ADAMTS13: variants seen among roughly 807,000 people sequenced by gnomAD.
ADAMTS13 encodes the protein A disintegrin and metalloproteinase with thrombospondin motifs 13.
ADAMTS13 carries 110 observed loss-of-function variants against 155.1 expected under a neutral mutation model. The ratio of observed to expected loss-of-function variants is 0.71; its 90% CI spans 0.61 to 0.83. The LOEUF (loss-of-function observed/expected upper bound fraction) is 0.83. Among genes scored for constraint, ADAMTS13 ranks in the 40% least tolerant of loss-of-function variants. The pLI, the probability that ADAMTS13 is intolerant of heterozygous loss-of-function variation, is 0.00. For synonymous variants in ADAMTS13, 758 were observed against 756.4 expected (o/e 1.00, Z -0.03); for missense variants, 1,707 against 1,891.7 (o/e 0.90, Z 1.81).
chr9:133,423,199 G>A, intron 2 of ADAMTS13, 32 bp downstream of exon 2: 1 of 1,601,528 alleles, frequency 6.2e-7, no homozygotes, highest in Non-Finnish European at 8.6e-7. Flanking sequence ...CTCCCGGGGG[G>A]AGTTTCTCAG....
At chr9:133,443,291 G>A in intron 18 of ADAMTS13, 85 bp from the exon 19 acceptor site, 2 of 1,493,644 alleles carry the variant, frequency 1.3e-6, no homozygotes, top group South Asian at 1.2e-5. Context: ...CCCAGACCGG[G>A]GGAGTACATC....
intron 27 of ADAMTS13, among the ~76,000 whole-genome samples, chr9:133,457,235 C>T (rs998367615): frequency 2.6e-5 from 4 of 152,224 alleles, no homozygotes; most frequent in African/African-American, 9.6e-5. Flanking sequence ...GGGGCTTGCC[C>T]TCTCCCAACA....
intron 24 of ADAMTS13, among the ~76,000 whole-genome samples, chr9:133,454,904 C>G (rs1842648419): frequency 6.6e-6 from 1 of 152,144 alleles, no homozygotes; most frequent in Admixed American, 6.5e-5. Context: ...TGCCACGCAC[C>G]TGGCAAGGCA....
In ADAMTS13 at chr9:133,456,783, G is replaced by A. The variant is rs746925311; in HGVS notation, c.3724+64G>A. 3.0e-4 allele frequency: 467 copies of A among 1,538,710 alleles called. No homozygotes were observed. Among genetic ancestry groups the A allele is most frequent in the Admixed American group, 4.7e-4 (24 of 50,960 alleles). On this transcript the variant is annotated intron_variant, in intron 27 of 28. Coordinates refer to ENST00000355699, the MANE Select transcript of ADAMTS13 (RefSeq NM_139027.6). The surrounding 1 kb of genome is among the most constrained non-coding windows in gnomAD (Gnocchi z 4.4). ...GTCCTGGCAGGGAGGCTGGGTGGGT[G>A]CTGCTGGGGATGGGGCCAGTCCCAG...
At chr9:133,437,027 G>A (rs1841290679) in intron 12 of ADAMTS13, 72 bp downstream of exon 12, 18 of 1,530,248 alleles carry the variant, frequency 1.2e-5, no homozygotes, top group Non-Finnish European at 1.4e-5. Context: ...AGAGTCATAG[G>A]GGGGTTGGCC....
intron 7 of ADAMTS13, among the ~76,000 whole-genome samples, chr9:133,429,171 A>AC (rs1208389217): frequency 0.21 from 2,196 of 10,254 alleles, 74 homozygotes; most frequent in Middle Eastern, 0.43. Context: ...CCCTGCACCC[A>AC]CCCCCCCGTC....
At chr9:133,433,294 A>G (rs1039019155) in intron 9 of ADAMTS13, 84 bp from the exon 10 acceptor site, 456 of 1,575,154 alleles carry the variant, frequency 2.9e-4, no homozygotes, top group Non-Finnish European at 3.6e-4. Context: ...ATCCCTGAGG[A>G]TGTTGGGGGA....
intron 27 of ADAMTS13, among the ~76,000 whole-genome samples, chr9:133,457,261 A>G (rs781910775): frequency 8.5e-5 from 13 of 152,176 alleles, no homozygotes; most frequent in Admixed American, 2.0e-4. Context: ...AGCTGGCCGA[A>G]GTTGGCTTCC....
chr9:133,456,796 G>C lies in ADAMTS13; in HGVS notation c.3724+77G>C, dbSNP rs985757513. 6.7e-5 allele frequency: 102 copies of C among 1,515,814 alleles called. No individual in the cohort carries two copies. Among genetic ancestry groups the C allele is most frequent in the Non-Finnish European group, 8.4e-5 (94 of 1,118,704 alleles). The allele number at this position is 1,515,814 out of a possible 1,614,324, so 93.9% of individuals were successfully genotyped here. On this transcript the variant is annotated intron_variant, in intron 27 of 28. Coordinates refer to ENST00000355699, the MANE Select transcript of ADAMTS13 (RefSeq NM_139027.6). The surrounding 1 kb of genome is among the most constrained non-coding windows in gnomAD (Gnocchi z 4.4). ...GGCTGGGTGGGTGCTGCTGGGGATG[G>C]GGCCAGTCCCAGTGGGGCAGTGGGA...
rs782107547 is a variant in ADAMTS13, at chr9:133,414,558, G to A, written n.201G>A. The stretch of plus-strand genomic sequence containing the variant: ...AAACAAAGGAACAGACGACATCAGG[G>A]TAAAGTGATGGAGAGACTGCGGTGA... On this transcript the variant is annotated non_coding_transcript_exon_variant, in exon 1 of 18. Transcript: ENST00000485925. The A allele has an allele frequency of 5.2e-6, 5 of 963,874 alleles. No individual in the cohort carries two copies. The Admixed American group carries it at 8.6e-5, about 17-fold the overall frequency. The allele number at this position is 963,874 out of a possible 1,614,324, so 59.7% of individuals were successfully genotyped here. A position where few individuals can be genotyped will look rare whatever the true frequency, so the allele number is the denominator to read the frequency against.
chr9:133,422,842 C>T (rs587634314), intron 1 of ADAMTS13, among the ~76,000 whole-genome samples: 3 of 151,790 alleles, frequency 2.0e-5, no homozygotes, highest in Admixed American at 1.3e-4. Flanking sequence ...CTCTGATTTC[C>T]CCCTCTCCTT....
Position 133,440,338 on chromosome 9 carries a change from C to T in ADAMTS13, c.1787-6C>T, listed in dbSNP as rs781938740. The stretch of plus-strand genomic sequence containing the variant: ...CACACAGCTAACAGGGCTGGTTCCC[C>T]GACAGCGGTGAGGATCGGAGGGCGC... On this transcript the variant is annotated splice_region_variant and splice_polypyrimidine_tract_variant and intron_variant, in intron 15 of 28. Coordinates refer to ENST00000355699, the MANE Select transcript of ADAMTS13 (RefSeq NM_139027.6). This position sits in a 1 kb window ranked among gnomAD's most constrained non-coding sequence, Gnocchi z 4.3. The T allele has an allele frequency of 1.4e-5, 23 of 1,613,794 alleles. No individual in the cohort carries two copies. Among genetic ancestry groups the T allele is most frequent in the Admixed American group, 1.3e-4 (8 of 60,000 alleles).
rs1454954657 is a variant in ADAMTS13 at position 133,432,478 on chromosome 9, T to C, written c.988-110T>C. The C allele has an allele frequency of 6.2e-6, 6 of 966,998 alleles. No homozygotes were observed. In the African/African-American group the frequency reaches 8.1e-5, roughly 13 times the overall value. 59.9% of individuals were successfully genotyped at this position (966,998 alleles called of 1,614,324 possible). A position where few individuals can be genotyped will look rare whatever the true frequency, so the allele number is the denominator to read the frequency against. On this transcript the variant is annotated intron_variant, in intron 8 of 28. Transcript: ENST00000355699. Reference sequence around the variant, plus strand: ...GCACCAGTGCCCACGGTGCAGAGTGTTGGCTGTGTCAGTGTGTCCTGCAGT... The same window carrying C: ...GCACCAGTGCCCACGGTGCAGAGTGCTGGCTGTGTCAGTGTGTCCTGCAGT...
At chr9:133,432,484 G>A in intron 8 of ADAMTS13, 104 bp from the exon 9 acceptor site, 1 of 1,007,668 alleles carries the variant, frequency 9.9e-7, no homozygotes, top group South Asian at 1.4e-5. Flanking sequence ...AGTGTTGGCT[G>A]TGTCAGTGTG....
intron 7 of ADAMTS13, among the ~76,000 whole-genome samples, chr9:133,429,119 A>C (rs1840513178): frequency 3.1e-4 from 30 of 97,488 alleles, no homozygotes; most frequent in South Asian, 1.2e-3. Flanking sequence ...GCTCCGTCCC[A>C]TCCCGCTGCG....
At chr9:133,432,983 G>A (rs1353678019) in intron 9 of ADAMTS13, among the ~76,000 whole-genome samples, 1 of 97,104 alleles carries the variant, frequency 1.0e-5, no homozygotes, top group African/African-American at 7.7e-5. Context: ...GGGTGTCTCG[G>A]GGGGGATCCC....
rs1411601404 is a variant in ADAMTS13 at position 133,441,128 on chromosome 9, T to C, written c.1968+603T>C. On this transcript the variant is annotated intron_variant, in intron 16 of 28. Transcript: ENST00000355699. This position sits in a 1 kb window ranked among gnomAD's most constrained non-coding sequence, Gnocchi z 5.0. ...GTGTGCTCGCCCATGTATGTCCCCA[T>C]TGGTGCTTCGCTGAGGAAGGCACGT... Among the ~76,000 whole-genome samples, 2 of 152,118 alleles carry C rather than the reference T, an allele frequency of 1.3e-5. No individual in the cohort carries two copies. Among genetic ancestry groups the C allele is most frequent in the Non-Finnish European group, 2.9e-5 (2 of 68,008 alleles).
In ADAMTS13 at chr9:133,445,729, C is replaced by T; in HGVS notation, c.2641C>T (p.Pro881Ser). The change falls in exon 21 of 29, where the codon CCC becomes TCC. Residue 881 changes from proline (P) to serine (S), a missense_variant. Physicochemically the swap from Pro to Ser is moderately conservative, Grantham distance 74 (BLOSUM62 -1). Around this residue, in one of 3 missense-constraint regions of ADAMTS13, gnomAD observed 961 missense variants for 1,107.9 expected, o/e 0.87. Transcript: ENST00000355699. The surrounding 1 kb of genome is among the most constrained non-coding windows in gnomAD (Gnocchi z 5.0). ...LDATSAGEKA[P>S]SPWGSIRTGA... Reference sequence around the variant, plus strand: ...TGCCACCTCTGCAGGGGAGAAGGCTCCCTCCCCATGGGGCAGCATCAGGAC... The same window carrying T: ...TGCCACCTCTGCAGGGGAGAAGGCTTCCTCCCCATGGGGCAGCATCAGGAC... 1.2e-6 allele frequency: 2 copies of T among 1,612,668 alleles called. No homozygotes were observed. Among genetic ancestry groups the T allele is most frequent in the Non-Finnish European group, 1.7e-6 (2 of 1,179,552 alleles).
rs1564433422 is a variant in ADAMTS13, at chr9:133,445,910, G to A, written c.2731+91G>A. 1 of 1,487,376 alleles carries A rather than the reference G, an allele frequency of 6.7e-7. No homozygotes were observed. Among genetic ancestry groups the A allele is most frequent in the Non-Finnish European group, 8.9e-7 (1 of 1,118,324 alleles). The allele number at this position is 1,487,376 out of a possible 1,614,324, so 92.1% of individuals were successfully genotyped here. ...TGCCTCGTTCTGAAAAGCATTTGAG[G>A]TGGATTGCAGAAAATCCAGACTATA... On this transcript the variant is annotated intron_variant, in intron 21 of 28. Coordinates refer to ENST00000355699, the MANE Select transcript of ADAMTS13 (RefSeq NM_139027.6). This position sits in a 1 kb window ranked among gnomAD's most constrained non-coding sequence, Gnocchi z 5.0.
Sources: allele counts gnomAD v4.1 joint callset (sites outside exome capture counted in the v4.1 genomes callset), GRCh38; gene constraint gnomAD v4.1.1; regional missense constraint gnomAD v4.1.1; non-coding constraint Gnocchi (gnomAD v3.1); transcripts MANE v1.5; gene names NCBI Gene and HGNC (gene_info 2026-07-23, HGNC 2026-07-21).